The following ZPLD1 variants were observed in gnomAD, a reference collection of about 807,000 sequenced individuals.
ZPLD1 encodes the protein zona pellucida-like domain-containing protein 1.
A neutral mutation model predicts 47.2 loss-of-function variants in ZPLD1; 34 were observed. The observed-to-expected ratio is 0.72, with a 90% confidence interval of 0.55 to 0.96. The LOEUF (loss-of-function observed/expected upper bound fraction) is 0.96, where lower values mean the gene tolerates loss of function less well. Among genes scored for constraint, ZPLD1 ranks in the 40% least tolerant of loss-of-function variants. The pLI, the probability that ZPLD1 is intolerant of heterozygous loss-of-function variation, is 0.00. For synonymous variants in ZPLD1, 176 were observed against 186.2 expected, an observed-to-expected ratio of 0.95 and a Z score of 0.45; for missense variants, 512 against 505.8, an observed-to-expected ratio of 1.01 and a Z score of -0.12.
At chr3:102,420,685 G>T (rs1706866608) in intron 8 of ZPLD1, among the ~76,000 whole-genome samples, 1 of 151,062 alleles carries the variant, frequency 6.6e-6, no homozygotes, top group Non-Finnish European at 1.5e-5. Context: ...GGCAGAATTT[G>T]GCTTGCCGGC....
intron 8 of ZPLD1, among the ~76,000 whole-genome samples, chr3:102,468,529 C>G (rs1707632618): frequency 6.6e-6 from 1 of 152,012 alleles, no homozygotes; most frequent in African/African-American, 2.4e-5. Context: ...GGCGAGGTAC[C>G]ACATAGTGTA....
intron 8 of ZPLD1, among the ~76,000 whole-genome samples, chr3:102,467,969 G>C (rs995882217): frequency 6.6e-6 from 1 of 151,252 alleles, no homozygotes; most frequent in African/African-American, 2.4e-5. Flanking sequence ...GAACTCATAA[G>C]AATCAGAAAG....
intron 6 of ZPLD1, among the ~76,000 whole-genome samples, chr3:102,391,032 G>A (rs562722291): frequency 1.3e-5 from 2 of 152,186 alleles, no homozygotes; most frequent in South Asian, 2.1e-4. Flanking sequence ...AAAGGGAAAT[G>A]ATATGTTTAA....
chr3:102,450,381 T>C (rs1038272439), intron 3 of ZPLD1, among the ~76,000 whole-genome samples: 1 of 152,170 alleles, frequency 6.6e-6, no homozygotes, highest in Non-Finnish European at 1.5e-5. Flanking sequence ...CCCCAATTGT[T>C]CTCGTGCTCC....
chr3:102,465,095 A>AT (rs1349559619), intron 8 of ZPLD1, among the ~76,000 whole-genome samples: 1 of 152,228 alleles, frequency 6.6e-6, no homozygotes, highest in Non-Finnish European at 1.5e-5. Flanking sequence ...TTTGAGCAAC[A>AT]TTTTTGGGAA....
chr3:102,406,532 T>C (rs1362160633), intron 7 of ZPLD1, among the ~76,000 whole-genome samples: 1 of 151,958 alleles, frequency 6.6e-6, no homozygotes, highest in Non-Finnish European at 1.5e-5. Flanking sequence ...GACATTTATA[T>C]ACAAGTTTTT....
intron 7 of ZPLD1, among the ~76,000 whole-genome samples, chr3:102,409,658 A>T (rs1402983420): frequency 6.6e-6 from 1 of 151,800 alleles, no homozygotes; most frequent in Non-Finnish European, 1.5e-5. Context: ...ACCTCCTCTG[A>T]AAAGAAGGAA....
At chr3:102,461,679 A>G (rs1054726272) in intron 6 of ZPLD1, among the ~76,000 whole-genome samples, 1 of 152,020 alleles carries the variant, frequency 6.6e-6, no homozygotes, top group Non-Finnish European at 1.5e-5. Context: ...AGATATTGAT[A>G]CATTCTAGAA....
At chr3:102,412,797 A>G (rs1706760206) in intron 7 of ZPLD1, among the ~76,000 whole-genome samples, 1 of 151,668 alleles carries the variant, frequency 6.6e-6, no homozygotes, top group Non-Finnish European at 1.5e-5. Context: ...TGACAGGGAC[A>G]TATGTATATA....
chr3:102,473,637 ATGG>A (rs754699145), intron 10 of ZPLD1, among the ~76,000 whole-genome samples: 7 of 152,280 alleles, frequency 4.6e-5, no homozygotes, highest in Admixed American at 3.3e-4. Flanking sequence ...TTTGATCATC[ATGG>A]TGGTCTCACT....
chr3:102,436,862 T>C lies in ZPLD1; in HGVS notation c.-120T>C, dbSNP rs958643667. The C allele has an allele frequency of 1.9e-5, 19 of 984,480 alleles. No individual in the cohort carries two copies. The highest frequency in any genetic ancestry group is 1.9e-5 in the Non-Finnish European group (16 of 829,132). The allele number at this position is 984,480 out of a possible 1,614,324, so 61.0% of individuals were successfully genotyped here. ...TTCCTGATTCTGTAATTTCTTAGGA[T>C]ACACCTCTGTGTTGGGGACAACAGT... is the stretch of plus-strand genomic sequence containing the variant. On this transcript the variant is annotated splice_region_variant and 5_prime_UTR_variant, in exon 2 of 12. Coordinates refer to ENST00000466937, the MANE Select transcript of ZPLD1 (RefSeq NM_001329788.2).
At position 102,478,730 on chromosome 3, in the gene ZPLD1, TTA is replaced by T. The variant is rs1304727422; in HGVS notation, c.*1114_*1115del. 6.6e-6 allele frequency: 1 copy of T among 152,194 alleles called. No homozygotes were observed. Among genetic ancestry groups the T allele is most frequent in the Admixed American group, 6.5e-5 (1 of 15,268 alleles). The allele number at this position is 152,194 out of a possible 1,614,324, so 9.4% of individuals were successfully genotyped here. A position where few individuals can be genotyped will look rare whatever the true frequency, so the allele number is the denominator to read the frequency against. Reference sequence around the variant, plus strand: ...TAAACTGCAAGAAGCTTCTGATCCTTTATCAGTTTTGCAAAAAAGCAAGCTTT... The same window carrying T: ...TAAACTGCAAGAAGCTTCTGATCCTTTCAGTTTTGCAAAAAAGCAAGCTTT... On this transcript the variant is annotated 3_prime_UTR_variant, in exon 12 of 12. Transcript: ENST00000466937.
rs1707098368 is a variant in ZPLD1, at chr3:102,436,849, T to A, written c.-122-11T>A. On this transcript the variant is annotated splice_polypyrimidine_tract_variant and intron_variant, in intron 1 of 11. Coordinates refer to ENST00000466937, the MANE Select transcript of ZPLD1 (RefSeq NM_001329788.2). Reference sequence around the variant, plus strand: ...TCACCAACTTAAATTCCTGATTCTGTAATTTCTTAGGATACACCTCTGTGT... The same window carrying A: ...TCACCAACTTAAATTCCTGATTCTGAAATTTCTTAGGATACACCTCTGTGT... 2.0e-6 allele frequency: 2 copies of A among 977,132 alleles called. No individual in the cohort carries two copies. Among genetic ancestry groups the A allele is most frequent in the African/African-American group, 3.5e-5 (2 of 57,092 alleles). 60.5% of individuals were successfully genotyped at this position (977,132 alleles called of 1,614,324 possible).
chr3:102,418,383 G>T (rs1385812492), intron 8 of ZPLD1, among the ~76,000 whole-genome samples: 1 of 152,016 alleles, frequency 6.6e-6, no homozygotes, highest in East Asian at 1.9e-4. Context: ...GGCCTGGGAA[G>T]TATCTTAAAT....
chr3:102,469,148 G>C lies in ZPLD1; in HGVS notation c.933+13G>C, dbSNP rs377414429. Reference sequence around the variant, plus strand: ...CTTCCTTATGCCGGTATGTTTTTAAGGAACTTCATTTTAAGTTGTTGAATT... The same window carrying C: ...CTTCCTTATGCCGGTATGTTTTTAACGAACTTCATTTTAAGTTGTTGAATT... On this transcript the variant is annotated intron_variant, in intron 9 of 11. Coordinates refer to ENST00000466937, the MANE Select transcript of ZPLD1 (RefSeq NM_001329788.2). 5.0e-6 allele frequency: 8 copies of C among 1,598,968 alleles called. No homozygotes were observed. Among genetic ancestry groups the C allele is most frequent in the Non-Finnish European group, 6.8e-6 (8 of 1,174,564 alleles).
intron 8 of ZPLD1, among the ~76,000 whole-genome samples, chr3:102,424,573 A>G (rs1706919126): frequency 6.6e-6 from 1 of 152,120 alleles, no homozygotes; most frequent in Admixed American, 6.6e-5. Context: ...TGCGAACCCA[A>G]TCAAAACTTG....
intron 1 of ZPLD1, 134 bp downstream of exon 1, chr3:102,435,288 C>T: frequency 1.1e-6 from 1 of 929,966 alleles, no homozygotes; most frequent in Non-Finnish European, 1.7e-6. Context: ...GGGATACTGC[C>T]TTTATAAGAG....
At chr3:102,455,054 T>C (rs1271509919) in intron 4 of ZPLD1, among the ~76,000 whole-genome samples, 1 of 152,234 alleles carries the variant, frequency 6.6e-6, no homozygotes, top group East Asian at 1.9e-4. Flanking sequence ...TTAAGTTGGC[T>C]ACTAAGTCTC....
chr3:102,457,743 A>G, intron 5 of ZPLD1, 38 bp from the exon 6 acceptor site: 1 of 1,596,070 alleles, frequency 6.3e-7, no homozygotes, highest in East Asian at 2.2e-5. Context: ...TTACTCTAAA[A>G]TCTCATCAGT....
Sources: allele counts gnomAD v4.1 joint callset (sites outside exome capture counted in the v4.1 genomes callset), GRCh38; gene constraint gnomAD v4.1.1; transcripts MANE v1.5; gene names NCBI Gene and HGNC (gene_info 2026-07-23, HGNC 2026-07-21).